INTS4: variants seen among roughly 807,000 people sequenced by gnomAD.
INTS4 encodes the protein integrator complex subunit 4.
INTS4 carries 70 observed loss-of-function variants against 119.5 expected under a neutral mutation model. That is an observed-to-expected ratio of 0.59 (90% CI 0.48 to 0.71). The LOEUF is 0.71. Among genes scored for constraint, INTS4 ranks in the 30% least tolerant of loss-of-function variants. The probability of loss-of-function intolerance (pLI) is 0.00; values close to 1 mark genes in which losing one functional copy is unlikely to be tolerated. For synonymous variants in INTS4, 316 were observed against 419.6 expected (o/e 0.75, Z 3.02); for missense variants, 867 against 1,173.2 (o/e 0.74, Z 3.81).
At chr11:77,900,554 T>TC (rs1952746539) in intron 18 of INTS4, 1 of 652,848 alleles carries the variant, frequency 1.5e-6, no homozygotes, top group African/African-American at 1.8e-5. Context: ...TATGGCACTT[T>TC]TTTTTTTTTG....
At chr11:77,879,830 G>A (rs1317931556) in intron 22 of INTS4, among the ~76,000 whole-genome samples, 5 of 152,154 alleles carry the variant, frequency 3.3e-5, no homozygotes, top group African/African-American at 1.2e-4. Context: ...GTACTGAGGA[G>A]GAGCGCAGGA....
At chr11:77,993,473 T>C (rs1208025194) in intron 1 of INTS4, among the ~76,000 whole-genome samples, 5 of 152,138 alleles carry the variant, frequency 3.3e-5, no homozygotes, top group South Asian at 2.1e-4. Context: ...TATCTGGTCA[T>C]GTGAGGATGG....
At chr11:77,930,851 G>A (rs1161148123) in intron 10 of INTS4, among the ~76,000 whole-genome samples, 1 of 152,022 alleles carries the variant, frequency 6.6e-6, no homozygotes, top group African/African-American at 2.4e-5. Flanking sequence ...TAAATAATAT[G>A]TCACAGATTC....
intron 22 of INTS4, among the ~76,000 whole-genome samples, chr11:77,880,198 G>A (rs1331490859): frequency 6.6e-6 from 1 of 152,166 alleles, no homozygotes; most frequent in Non-Finnish European, 1.5e-5. Context: ...GAAGTTCAGA[G>A]GGTAGGAATG....
At chr11:77,942,111 C>G (rs1953942031) in intron 8 of INTS4, among the ~76,000 whole-genome samples, 1 of 152,094 alleles carries the variant, frequency 6.6e-6, no homozygotes, top group Non-Finnish European at 1.5e-5. Context: ...AATTATATGT[C>G]TACAGTTACC....
intron 22 of INTS4, among the ~76,000 whole-genome samples, chr11:77,883,057 G>A (rs187871660): frequency 6.8e-6 from 1 of 147,514 alleles, no homozygotes; most frequent in Non-Finnish European, 1.5e-5. Flanking sequence ...GCCTGGGCAA[G>A]AGCAAGACTC....
At chr11:77,979,171 G>T in intron 3 of INTS4, 69 bp from the exon 4 acceptor site, 1 of 877,868 alleles carries the variant, frequency 1.1e-6, no homozygotes, top group Non-Finnish European at 1.9e-6. Context: ...TAATTTACTT[G>T]GGTAAAGAAT....
intron 11 of INTS4, among the ~76,000 whole-genome samples, chr11:77,927,233 A>C (rs370409924): frequency 1.8e-3 from 272 of 152,286 alleles, no homozygotes; most frequent in African/African-American, 6.2e-3. Context: ...GTATGAGGCC[A>C]CCCATGAAGA....
At chr11:77,989,720 T>C (rs1397945549) in intron 2 of INTS4, among the ~76,000 whole-genome samples, 1 of 145,654 alleles carries the variant, frequency 6.9e-6, no homozygotes, top group Non-Finnish European at 1.5e-5. Flanking sequence ...CAAAGCCCTG[T>C]CTCTACAAAA....
chr11:77,914,817 G>A (rs1287798354), intron 15 of INTS4, among the ~76,000 whole-genome samples: 1 of 152,178 alleles, frequency 6.6e-6, no homozygotes. Flanking sequence ...ACTGTTACTG[G>A]CACATCACAG....
chr11:77,903,542 G>A lies in INTS4; in HGVS notation c.2095C>T (p.Gln699Ter), dbSNP rs1952843897. ...AGGGAAGGTCTGAATAAGCTTACCTGTTTCGCTGCTGCTGAGGCCAAATCA... is the reference window on the plus strand; with the variant it reads ...AGGGAAGGTCTGAATAAGCTTACCTATTTCGCTGCTGCTGAGGCCAAATCA... ...QSDLASAAAK[Q>*]IMEETYKMEF... The change falls in exon 17 of 23, where the codon CAG becomes TAG. Residue 699 changes from glutamine to a stop codon, truncating the protein, a stop_gained and splice_region_variant. Coordinates refer to ENST00000534064, the MANE Select transcript of INTS4 (RefSeq NM_033547.4). LOFTEE classifies it high-confidence loss of function. 6.2e-7 allele frequency: 1 copy of A among 1,613,512 alleles called. No homozygotes were observed. Among genetic ancestry groups the A allele is most frequent in the Admixed American group, 1.7e-5 (1 of 59,930 alleles).
intron 9 of INTS4, among the ~76,000 whole-genome samples, chr11:77,940,191 G>A (rs1953896369): frequency 6.6e-6 from 1 of 152,134 alleles, no homozygotes; most frequent in South Asian, 2.1e-4. Flanking sequence ...CACTTTGGGA[G>A]GCAGAGGCAA....
intron 21 of INTS4, among the ~76,000 whole-genome samples, chr11:77,889,896 C>T (rs1183616786): frequency 6.6e-6 from 1 of 152,150 alleles, no homozygotes; most frequent in Admixed American, 6.6e-5. Flanking sequence ...CCTTAAGTAA[C>T]CTGCCTACAA....
At chr11:77,914,670 T>C (rs1953166551) in intron 15 of INTS4, among the ~76,000 whole-genome samples, 1 of 152,198 alleles carries the variant, frequency 6.6e-6, no homozygotes, top group Non-Finnish European at 1.5e-5. Flanking sequence ...AACTCTGTGA[T>C]TGTAGCATGA....
chr11:77,888,811 A>G (rs1952132456), intron 21 of INTS4, among the ~76,000 whole-genome samples: 1 of 152,194 alleles, frequency 6.6e-6, no homozygotes, highest in South Asian at 2.1e-4. Context: ...GCAGCCAAAA[A>G]ACATATGAAA....
downstream of INTS4, chr11:77,876,937 T>C (rs556607156): frequency 7.7e-5 from 54 of 703,200 alleles, no homozygotes; most frequent in Admixed American, 2.8e-4. Context: ...TGGTTCTTCA[T>C]GTTTTTGTCT....
chr11:77,926,109 C>G (rs1319828414), intron 11 of INTS4, among the ~76,000 whole-genome samples: 3 of 152,062 alleles, frequency 2.0e-5, no homozygotes, highest in African/African-American at 2.4e-5. Context: ...TTTGATATCC[C>G]TATATTTCTA....
At chr11:77,981,190 C>CAAAAAAAAAA (rs35194381) in intron 3 of INTS4, among the ~76,000 whole-genome samples, 2 of 88,862 alleles carry the variant, frequency 2.3e-5, no homozygotes, top group Non-Finnish European at 2.3e-5. Flanking sequence ...AACAAACAAG[C>CAAAAAAAAAA]AAAAAAAAAA....
chr11:77,988,859 C>T (rs1856553948), intron 2 of INTS4, among the ~76,000 whole-genome samples: 1 of 152,180 alleles, frequency 6.6e-6, no homozygotes, highest in South Asian at 2.1e-4. Context: ...TCAGTTTCTT[C>T]ATCAAATCAA....
Sources: gnomAD v4.1 joint callset for allele counts (sites outside exome capture counted in the v4.1 genomes callset) on GRCh38, gnomAD v4.1.1 for gene constraint, MANE v1.5 for transcripts, NCBI Gene and HGNC (gene_info 2026-07-23, HGNC 2026-07-21) for gene names.